The following ZNF107 variants were observed in gnomAD, a reference collection of about 807,000 sequenced individuals.
ZNF107 encodes the protein C2H2 type zinc-finger protein.
A neutral mutation model predicts 12.3 loss-of-function variants in ZNF107; 19 were observed. The observed-to-expected ratio is 1.55, with a 90% confidence interval of 1.08 to 2.27. The LOEUF (loss-of-function observed/expected upper bound fraction) is 2.27, where lower values mean the gene tolerates loss of function less well. Ranked by LOEUF, ZNF107 falls within the 30% of genes most tolerant of loss-of-function variation. ZNF107 has a pLI of 0.00. For missense variants in ZNF107, 958 were observed against 979.9 expected (o/e 0.98, Z 0.30); for synonymous variants, 317 against 330.5 (o/e 0.96, Z 0.44).
Position 64,706,909 on chromosome 7 carries a change from AC to A in ZNF107, c.814del (p.Thr273LeufsTer5), listed in dbSNP as rs746608053. 6.2e-7 allele frequency: 1 copy of A among 1,612,214 alleles called. No individual in the cohort carries two copies. The highest frequency in any genetic ancestry group is 8.5e-7 in the Non-Finnish European group (1 of 1,179,416). On this transcript the variant is annotated frameshift_variant, in exon 4 of 4. Transcript: ENST00000620827. LOFTEE classifies it low-confidence loss of function (END_TRUNC). ...ECGKAFKQAS[H>X]LTIHKIIHTG... ...GGCAAGGCCTTTAAACAGGCCTCAC[AC>A]CTTACTATACATAAAATAATTCATA...
chr7:64,693,126 G>A (rs886883853), intron 3 of ZNF107, among the ~76,000 whole-genome samples: 7 of 150,120 alleles, frequency 4.7e-5, no homozygotes, highest in African/African-American at 1.7e-4. Flanking sequence ...AGCCTCCTGA[G>A]TAGCTGGGAC....
At chr7:64,696,959 C>T (rs1219364451) in intron 3 of ZNF107, among the ~76,000 whole-genome samples, 1 of 151,870 alleles carries the variant, frequency 6.6e-6, no homozygotes, top group East Asian at 1.9e-4. Flanking sequence ...TAATGCTATC[C>T]CTCCCCCCTG....
intron 1 of ZNF107, chr7:64,687,469 G>A (rs1789963534): frequency 1.0e-6 from 1 of 985,498 alleles, no homozygotes; most frequent in Non-Finnish European, 1.2e-6. Context: ...GGTGCCAGGT[G>A]TGAGCTGTGT....
intron 1 of ZNF107, among the ~76,000 whole-genome samples, chr7:64,675,914 A>C (rs2128957092): frequency 6.6e-6 from 1 of 152,270 alleles, no homozygotes; most frequent in South Asian, 2.1e-4. Flanking sequence ...GTGCAGTGGC[A>C]CAATCTCGGC....
In ZNF107 at chr7:64,691,345, T is replaced by TA; in HGVS notation, c.102dup (p.Glu35ArgfsTer15). 1 of 1,521,942 alleles carries TA rather than the reference T, an allele frequency of 6.6e-7. No homozygotes were observed. The allele number at this position is 1,521,942 out of a possible 1,614,324, so 94.3% of individuals were successfully genotyped here. The stretch of plus-strand genomic sequence containing the variant: ...CGGGATTTATATAGGAATGTGTTGT[T>TA]AGAGAACTACAGAAACCTGGTCTTT... On this transcript the variant is annotated frameshift_variant, in exon 2 of 4. Coordinates refer to ENST00000620827, the MANE Select transcript of ZNF107 (RefSeq NM_001282359.2). LOFTEE classifies it high-confidence loss of function.
chr7:64,675,488 C>T (rs1319283561), intron 1 of ZNF107, among the ~76,000 whole-genome samples: 2 of 151,992 alleles, frequency 1.3e-5, no homozygotes, highest in African/African-American at 2.4e-5. Context: ...TGGATCTTGT[C>T]TTTGTCATGA....
intron 3 of ZNF107, among the ~76,000 whole-genome samples, chr7:64,695,624 C>T (rs372124214): frequency 6.6e-6 from 1 of 152,152 alleles, no homozygotes; most frequent in Admixed American, 6.5e-5. Flanking sequence ...ATGTCTATTA[C>T]AATCAGATTA....
At position 64,706,864 on chromosome 7, in the gene ZNF107, C is replaced by T. The variant is rs199803183; in HGVS notation, c.767C>T (p.Pro256Leu). ...AAGATAATTCATACTGAAGAGAAACCCAACAAATGTGAAGAATGTGGCAAG... is the reference window on the plus strand; with the variant it reads ...AAGATAATTCATACTGAAGAGAAACTCAACAAATGTGAAGAATGTGGCAAG... The part of the protein sequence containing the change: ...RHKIIHTEEK[P>L]NKCEECGKAF... The change falls in exon 4 of 4, where the codon CCC becomes CTC. Residue 256 changes from proline to leucine, a missense_variant. Pro to Leu is a moderately conservative substitution (Grantham distance 98, BLOSUM62 -3). Transcript: ENST00000620827. 1 of 1,613,132 alleles carries T rather than the reference C, an allele frequency of 6.2e-7. No individual in the cohort carries two copies. Among genetic ancestry groups the T allele is most frequent in the Non-Finnish European group, 8.5e-7 (1 of 1,179,722 alleles).
chr7:64,690,509 A>C, intron 1 of ZNF107: 1 of 983,096 alleles, frequency 1.0e-6, no homozygotes, highest in Non-Finnish European at 1.2e-6. Context: ...CCACAAGGAG[A>C]TAAATGGGAA....
In ZNF107 at chr7:64,708,732, C is replaced by G; in HGVS notation, c.*76C>G. 2.1e-6 allele frequency: 3 copies of G among 1,402,568 alleles called. No homozygotes were observed. The highest frequency in any genetic ancestry group is 2.9e-6 in the Non-Finnish European group (3 of 1,037,534). 86.9% of individuals were successfully genotyped at this position (1,402,568 alleles called of 1,614,324 possible). On this transcript the variant is annotated 3_prime_UTR_variant, in exon 4 of 4. Transcript: ENST00000620827. ...TACAAATGTGAAGAATGTGTTAAAG[C>G]CTTTAACAAGTCTTCAACTTTTTCT... is the stretch of plus-strand genomic sequence containing the variant.
At chr7:64,704,309 G>A (rs1312809237) in intron 3 of ZNF107, among the ~76,000 whole-genome samples, 1 of 152,018 alleles carries the variant, frequency 6.6e-6, no homozygotes, top group African/African-American at 2.4e-5. Flanking sequence ...GCAGTGGCGC[G>A]ATCTTGGCCC....
intron 3 of ZNF107, among the ~76,000 whole-genome samples, chr7:64,697,446 C>T (rs907428527): frequency 7.2e-5 from 11 of 152,138 alleles, no homozygotes; most frequent in Admixed American, 2.6e-4. Context: ...AGTGTAAAAG[C>T]GTTCTTATTT....
At chr7:64,673,837 G>T (rs150818424) in intron 1 of ZNF107, among the ~76,000 whole-genome samples, 3 of 152,158 alleles carry the variant, frequency 2.0e-5, no homozygotes, top group South Asian at 2.1e-4. Context: ...AATTCTTCCC[G>T]CATTCCTCAT....
At chr7:64,667,593 C>T (rs980323868) in intron 1 of ZNF107, among the ~76,000 whole-genome samples, 8 of 152,124 alleles carry the variant, frequency 5.3e-5, no homozygotes, top group African/African-American at 1.9e-4. Context: ...GGGGATAAAT[C>T]AAGATATCAA....
At chr7:64,702,425 G>C (rs561446886) in intron 3 of ZNF107, among the ~76,000 whole-genome samples, 1 of 152,034 alleles carries the variant, frequency 6.6e-6, no homozygotes, top group South Asian at 2.1e-4. Context: ...GTGAGCCACC[G>C]CGCCCGGCCA....
In ZNF107 at chr7:64,707,651, T is replaced by C; in HGVS notation, c.1554T>C (p.Phe518=). 1 of 1,612,910 alleles carries C rather than the reference T, an allele frequency of 6.2e-7. No individual in the cohort carries two copies. The highest frequency in any genetic ancestry group is 2.2e-5 in the East Asian group (1 of 44,814). Residue 518 remains phenylalanine (F), a synonymous_variant, in exon 4 of 4, where the codon TTT becomes TTC. Transcript: ENST00000620827. ...PYKCEECDRA[F]SQSSNLTEHK... Reference sequence around the variant, plus strand: ...AATGTGAAGAATGTGACAGAGCTTTTAGCCAGTCTTCAAACCTTACTGAAC... The same window carrying C: ...AATGTGAAGAATGTGACAGAGCTTTCAGCCAGTCTTCAAACCTTACTGAAC...
chr7:64,670,754 C>T (rs1302992865), intron 1 of ZNF107, among the ~76,000 whole-genome samples: 2 of 152,148 alleles, frequency 1.3e-5, no homozygotes, highest in African/African-American at 4.8e-5. Context: ...TTGTCCTATA[C>T]ATTTTTTCCA....
chr7:64,702,848 C>T (rs1047994832), intron 3 of ZNF107, among the ~76,000 whole-genome samples: 24 of 152,182 alleles, frequency 1.6e-4, no homozygotes, highest in African/African-American at 4.6e-4. Context: ...CGTGAGCCAC[C>T]GCACCCAGCC....
At chr7:64,702,033 A>C (rs1790492604) in intron 3 of ZNF107, among the ~76,000 whole-genome samples, 1 of 152,016 alleles carries the variant, frequency 6.6e-6, no homozygotes, top group South Asian at 2.1e-4. Context: ...CTTCAATTTA[A>C]ATTTTAATTG....
Sources: gnomAD v4.1 joint callset for allele counts (sites outside exome capture counted in the v4.1 genomes callset) on GRCh38, gnomAD v4.1.1 for gene constraint, MANE v1.5 for transcripts, NCBI Gene and HGNC (gene_info 2026-07-23, HGNC 2026-07-21) for gene names.